The following TACC3 variants were observed in gnomAD, a reference collection of about 807,000 sequenced individuals.
TACC3 encodes the protein transforming acidic coiled-coil containing protein 3, also known as transforming acidic coiled-coil-containing protein 3.
A neutral mutation model predicts 86.0 loss-of-function variants in TACC3; 52 were observed. The ratio of observed to expected loss-of-function variants is 0.60; its 90% CI spans 0.48 to 0.76. TACC3 has a LOEUF of 0.76. Among genes scored for constraint, TACC3 ranks in the 30% least tolerant of loss-of-function variants. TACC3 has a pLI of 0.00. For synonymous variants in TACC3, 512 were observed against 430.0 expected, an observed-to-expected ratio of 1.19 and a Z score of -2.36; for missense variants, 1,120 against 1,070.4, an observed-to-expected ratio of 1.05 and a Z score of -0.65.
intron 5 of TACC3, 94 bp downstream of exon 5, chr4:1,731,056 G>A (rs1717983222): frequency 1.3e-6 from 2 of 1,598,168 alleles, no homozygotes; most frequent in Middle Eastern, 1.7e-4. Context: ...GGGTGACGGG[G>A]TGGGATGTCC....
intron 10 of TACC3, chr4:1,739,407 C>T (rs1053221888): frequency 8.0e-6 from 4 of 501,220 alleles, no homozygotes; most frequent in South Asian, 3.1e-5. Context: ...TAGTATCTGC[C>T]ACTGGGCTGC....
At chr4:1,722,748 G>C (rs904734430) in intron 1 of TACC3, among the ~76,000 whole-genome samples, 5 of 152,204 alleles carry the variant, frequency 3.3e-5, no homozygotes, top group Non-Finnish European at 5.9e-5. Context: ...GGTGGCAAGT[G>C]TGTGGGTGAC....
chr4:1,739,854 TTGTCCCCATCCCCCTCGCCATCCC>T lies in TACC3; in HGVS notation c.2018+84_2019-74del, dbSNP rs3841573. 3.3e-4 allele frequency: 260 copies of T among 798,918 alleles called. No homozygotes were observed. In the African/African-American group the frequency reaches 7.8e-3, roughly 24 times the overall value. The allele number at this position is 798,918 out of a possible 1,614,324, so 49.5% of individuals were successfully genotyped here. ...CTTGTCCCCATCCCCCTCGCCATCCTTGTCCCCATCCCCCTCGCCATCCCTGTCCCCGTCCCCATCCCCACCTGG... is the reference window on the plus strand; with the variant it reads ...CTTGTCCCCATCCCCCTCGCCATCCTTGTCCCCGTCCCCATCCCCACCTGG... On this transcript the variant is annotated intron_variant, in intron 11 of 15. Coordinates refer to ENST00000313288, the MANE Select transcript of TACC3 (RefSeq NM_006342.3).
chr4:1,728,217 C>T lies in TACC3; in HGVS notation c.815C>T (p.Ala272Val), dbSNP rs1287431406. Residue 272 changes from alanine to valine, a missense_variant, in exon 4 of 16, where the codon GCC (alanine) becomes GTC (valine). By Grantham distance (64) the Ala-to-Val change is moderately conservative. Transcript: ENST00000313288. ...CCCCTGCAGGGTCTGCCTGGCGAAG[C>T]CCTGGGCTGCCCTGCGGGTGTGGGC... ...GAPLQGLPGE[A>V]LGCPAGVGTP... 2 of 1,612,038 alleles carry T rather than the reference C, an allele frequency of 1.2e-6. No homozygotes were observed. The highest frequency in any genetic ancestry group is 1.1e-5 in the South Asian group (1 of 90,970).
In TACC3 at chr4:1,726,477, A is replaced by G. The variant is rs552838672; in HGVS notation, c.306-1231A>G. On this transcript the variant is annotated intron_variant, in intron 3 of 15. Transcript: ENST00000313288. ...AGTCCCCAGGACTGATCTGTTGGGC[A>G]TGTCCTCGGGTGAGGTTTAAGCCAC... is the stretch of plus-strand genomic sequence containing the variant. Among the ~76,000 whole-genome samples the G allele has an allele frequency of 2.0e-5, 3 of 152,320 alleles. No individual in the cohort carries two copies. The South Asian group carries it at 6.2e-4, about 32-fold the overall frequency.
chr4:1,731,109 G>C (rs753613312), intron 5 of TACC3, 63 bp from the exon 6 acceptor site: 407 of 1,602,900 alleles, frequency 2.5e-4, no homozygotes, highest in Non-Finnish European at 3.2e-4. Flanking sequence ...GTTGTGGGGA[G>C]GCAAAGCCAC....
In TACC3 at chr4:1,731,319, G is replaced by A; in HGVS notation, c.1591+18G>A. Reference sequence around the variant, plus strand: ...CGCTGAGGGTACGTTGCCTGGCACAGACGTCACACACAGTCTGCCCGGAGG... The same window carrying A: ...CGCTGAGGGTACGTTGCCTGGCACAAACGTCACACACAGTCTGCCCGGAGG... On this transcript the variant is annotated intron_variant, in intron 6 of 15. Coordinates refer to ENST00000313288, the MANE Select transcript of TACC3 (RefSeq NM_006342.3). 6.2e-7 allele frequency: 1 copy of A among 1,612,470 alleles called. No homozygotes were observed. Among genetic ancestry groups the A allele is most frequent in the Non-Finnish European group, 8.5e-7 (1 of 1,179,772 alleles).
At chr4:1,738,347 G>A (rs916204428) in intron 10 of TACC3, 3 of 192,182 alleles carry the variant, frequency 1.6e-5, no homozygotes, top group African/African-American at 7.0e-5. Flanking sequence ...GTTGTTCACA[G>A]TGGCCCCAGG....
chr4:1,740,369 A>G (rs533731901), intron 12 of TACC3: 11 of 402,056 alleles, frequency 2.7e-5, no homozygotes, highest in African/African-American at 1.0e-4. Context: ...GCAGGACGGG[A>G]ACACCAGGCC....
In TACC3 at chr4:1,728,062, C is replaced by G. The variant is rs149260591; in HGVS notation, c.660C>G (p.Ala220=). The G allele has an allele frequency of 6.5e-7, 1 of 1,542,326 alleles. No homozygotes were observed. Among genetic ancestry groups the G allele is most frequent in the Admixed American group, 1.7e-5 (1 of 57,884 alleles). ...SQHKAETPHG[A]EEECKAETPH... ...ACAAAGCGGAGACTCCGCACGGAGC[C>G]GAGGAAGAATGCAAAGCGGAGACTC... is the stretch of plus-strand genomic sequence containing the variant. The change falls in exon 4 of 16, where the codon GCC becomes GCG. Residue 220 remains alanine (A), a synonymous_variant. Transcript: ENST00000313288.
At chr4:1,743,964 G>A (rs1718717153) in intron 13 of TACC3, among the ~76,000 whole-genome samples, 1 of 152,148 alleles carries the variant, frequency 6.6e-6, no homozygotes, top group Non-Finnish European at 1.5e-5. Context: ...TGAGGCCGCT[G>A]GGGGCACTGC....
intron 10 of TACC3, among the ~76,000 whole-genome samples, chr4:1,738,839 G>A (rs1241290693): frequency 1.3e-5 from 2 of 152,080 alleles, no homozygotes; most frequent in Non-Finnish European, 2.9e-5. Context: ...CGGGAAGGAC[G>A]GTTAGGAACA....
rs1195678191 is a variant in TACC3 at position 1,745,030 on chromosome 4, G to C, written c.*17G>C. On this transcript the variant is annotated 3_prime_UTR_variant, in exon 16 of 16. Coordinates refer to ENST00000313288, the MANE Select transcript of TACC3 (RefSeq NM_006342.3). ...AAGATCTGACCTCCACGGAGCCGCTGTCCCCGCCCCCCTGCTCCCGTCTGT... is the reference window on the plus strand; with the variant it reads ...AAGATCTGACCTCCACGGAGCCGCTCTCCCCGCCCCCCTGCTCCCGTCTGT... 1 of 1,595,700 alleles carries C rather than the reference G, an allele frequency of 6.3e-7. No individual in the cohort carries two copies. Among genetic ancestry groups the C allele is most frequent in the Non-Finnish European group, 8.5e-7 (1 of 1,171,662 alleles).
intron 13 of TACC3, chr4:1,741,829 T>A (rs762944683): frequency 2.0e-5 from 3 of 152,334 alleles, no homozygotes; most frequent in Non-Finnish European, 2.9e-5. Flanking sequence ...CTGAATACTC[T>A]AGGGAAGAAG....
Position 1,744,526 on chromosome 4 carries a change from G to T in TACC3, c.2232G>T (p.Glu744Asp). The change falls in exon 14 of 16, where the codon GAG (glutamate) becomes GAT (aspartate). Residue 744 changes from glutamate (E) to aspartate (D), a missense_variant. Glu to Asp is a conservative substitution (Grantham distance 45). Transcript: ENST00000313288. ...TGCCTGCCCCTTCCTAGAACGAAGAGTCACTGAAGAAGTGCGTGGAGGATT... is the reference window on the plus strand; with the variant it reads ...TGCCTGCCCCTTCCTAGAACGAAGATTCACTGAAGAAGTGCGTGGAGGATT... ...EVIEGYRKNE[E>D]SLKKCVEDYL... 6.2e-7 allele frequency: 1 copy of T among 1,612,934 alleles called. No individual in the cohort carries two copies. The highest frequency in any genetic ancestry group is 8.5e-7 in the Non-Finnish European group (1 of 1,179,814).
At chr4:1,739,667 C>T in intron 10 of TACC3, 35 bp from the exon 11 acceptor site, 1 of 1,553,394 alleles carries the variant, frequency 6.4e-7, no homozygotes, top group African/African-American at 1.4e-5. Context: ...TCAGTCTGGC[C>T]CGCCTGCCTG....
In TACC3 at chr4:1,735,117, A is replaced by G. The variant is rs1008800470; in HGVS notation, c.1592-156A>G. Reference sequence around the variant, plus strand: ...GCGGTGCCCAGGAGGCGCCTGCCGCAGACAGCAGTCAGGCCCCGAACATCC... The same window carrying G: ...GCGGTGCCCAGGAGGCGCCTGCCGCGGACAGCAGTCAGGCCCCGAACATCC... On this transcript the variant is annotated intron_variant, in intron 6 of 15. Coordinates refer to ENST00000313288, the MANE Select transcript of TACC3 (RefSeq NM_006342.3). This position sits in a 1 kb window ranked among gnomAD's most constrained non-coding sequence, Gnocchi z 4.2. Among the ~76,000 whole-genome samples the G allele has an allele frequency of 5.3e-5, 8 of 152,236 alleles. No homozygotes were observed. Among genetic ancestry groups the G allele is most frequent in the Non-Finnish European group, 2.9e-5 (2 of 68,036 alleles).
At chr4:1,728,991 C>CTT (rs1356952386) in intron 4 of TACC3, among the ~76,000 whole-genome samples, 1 of 152,214 alleles carries the variant, frequency 6.6e-6, no homozygotes, top group Non-Finnish European at 1.5e-5. Context: ...CCATGCATCT[C>CTT]TTTAGTGCTC....
At chr4:1,741,639 A>G (rs76927797) in intron 13 of TACC3, 2,609 of 152,468 alleles carry the variant, frequency 0.017, 38 homozygotes, top group Non-Finnish European at 0.027. Context: ...CTGCAGGTGC[A>G]GCTGGAAGAG....
Sources: gnomAD v4.1 joint callset for allele counts (sites outside exome capture counted in the v4.1 genomes callset) on GRCh38, gnomAD v4.1.1 for gene constraint, Gnocchi (gnomAD v3.1) non-coding constraint, MANE v1.5 for transcripts, NCBI Gene and HGNC (gene_info 2026-07-23, HGNC 2026-07-21) for gene names.